Variants in FHIT observed in about 807,000 individuals in gnomAD.
FHIT encodes fragile histidine triad diadenosine triphosphatase.
Under a neutral mutation model 17.9 loss-of-function variants are expected in FHIT, and 19 were observed. The observed-to-expected ratio is 1.06, with a 90% CI of 0.74 to 1.56. The LOEUF (loss-of-function observed/expected upper bound fraction) is 1.56, where lower values mean the gene tolerates loss of function less well. Among genes scored for constraint, FHIT ranks in the 40% most tolerant of loss-of-function variants. FHIT has a pLI of 0.00. For missense variants in FHIT, 248 were observed against 189.2 expected, an observed-to-expected ratio of 1.31 and a Z score of -1.82; for synonymous variants, 81 against 69.7, an observed-to-expected ratio of 1.16 and a Z score of -0.81.
chr3:60,302,090 G>C (rs1197840760), intron 5 of FHIT, among the ~76,000 whole-genome samples: 1 of 152,106 alleles, frequency 6.6e-6, no homozygotes, highest in African/African-American at 2.4e-5. Context: ...AGTATCAGGA[G>C]GTTCCAATTA....
At chr3:60,222,105 C>T (rs1703989801) in intron 5 of FHIT, among the ~76,000 whole-genome samples, 2 of 152,226 alleles carry the variant, frequency 1.3e-5, no homozygotes, top group Admixed American at 6.5e-5. Context: ...TTAAGCATTT[C>T]CATCCAGGAG....
intron 4 of FHIT, among the ~76,000 whole-genome samples, chr3:60,724,229 G>A (rs1190788514): frequency 2.0e-5 from 3 of 152,210 alleles, no homozygotes; most frequent in African/African-American, 4.8e-5. Context: ...TTGGTCATAT[G>A]ATATGTGGTC....
At position 60,860,060 on chromosome 3, in the gene FHIT, C is replaced by CATATATATGATATATCTGATATATGAT. The variant is rs1553750957; in HGVS notation, c.-110-38076_-110-38050dup. On this transcript the variant is annotated intron_variant, in intron 3 of 9. Transcript: ENST00000492590. ...TACATCTCAAAAAAACAAAAAGATA[C>CATATATATGATATATCTGATATATGAT]ATATATATGATATATCTGATATATG... 1.6e-4 allele frequency among the ~76,000 whole-genome samples: 11 copies of CATATATATGATATATCTGATATATGAT among 68,734 alleles called. 1 individual carries two copies. The highest frequency in any genetic ancestry group is 8.5e-4 in the African/African-American group (11 of 12,970). The allele number at this position is 68,734 out of a possible 152,430, so 45.1% of individuals were successfully genotyped here. A position where few individuals can be genotyped will look rare whatever the true frequency, so the allele number is the denominator to read the frequency against.
At chr3:60,868,667 T>C (rs1704268730) in intron 3 of FHIT, among the ~76,000 whole-genome samples, 1 of 152,188 alleles carries the variant, frequency 6.6e-6, no homozygotes, top group African/African-American at 2.4e-5. Context: ...TGGTCTTCAA[T>C]AAGGATATGG....
chr3:60,942,206 TA>T (rs1310714892), intron 3 of FHIT, among the ~76,000 whole-genome samples: 1 of 152,176 alleles, frequency 6.6e-6, no homozygotes, highest in African/African-American at 2.4e-5. Flanking sequence ...CTGAAGTAGT[TA>T]TTTTTTTTAC....
At chr3:60,590,889 G>T (rs1386692642) in intron 4 of FHIT, among the ~76,000 whole-genome samples, 2 of 152,156 alleles carry the variant, frequency 1.3e-5, no homozygotes, top group East Asian at 3.9e-4. Flanking sequence ...AAGCCTTGAG[G>T]GAATCAGGGA....
Position 61,201,043 on chromosome 3 carries a change from T to C in FHIT, c.-212-378A>G, listed in dbSNP as rs1230689063. Among the ~76,000 whole-genome samples the C allele has an allele frequency of 2.6e-5, 4 of 152,260 alleles. 1 individual carries two copies. The highest frequency in any genetic ancestry group is 6.5e-5 in the Admixed American group (1 of 15,288). On this transcript the variant is annotated intron_variant, in intron 1 of 9. Transcript: ENST00000492590. ...TCTTATTTCTTTTTGTCATCTTTCT[T>C]GCATGCTCTATTTCCATTTCTCTGA...
chr3:60,956,985 C>T (rs1158205826), intron 3 of FHIT, among the ~76,000 whole-genome samples: 1 of 152,074 alleles, frequency 6.6e-6, no homozygotes, highest in Non-Finnish European at 1.5e-5. Context: ...CACAGAAGGG[C>T]TCATGGTCAG....
intron 4 of FHIT, among the ~76,000 whole-genome samples, chr3:60,754,512 T>C (rs1436045351): frequency 1.3e-5 from 2 of 152,142 alleles, no homozygotes; most frequent in Admixed American, 6.5e-5. Context: ...ATGCCTGTAA[T>C]CCCAGCTATT....
At chr3:60,379,517 T>C (rs1427240284) in intron 5 of FHIT, among the ~76,000 whole-genome samples, 4 of 152,200 alleles carry the variant, frequency 2.6e-5, no homozygotes, top group Non-Finnish European at 5.9e-5. Context: ...AAGTTAGAGA[T>C]AGTTTTCTTT....
At chr3:61,245,859 C>G (rs1283599772) in intron 1 of FHIT, among the ~76,000 whole-genome samples, 2 of 152,166 alleles carry the variant, frequency 1.3e-5, no homozygotes, top group Non-Finnish European at 2.9e-5. Context: ...GCAACTCCAT[C>G]TTCAATAGGG....
intron 1 of FHIT, among the ~76,000 whole-genome samples, chr3:61,210,393 G>A (rs755151572): frequency 2.6e-5 from 4 of 152,278 alleles, no homozygotes. Context: ...GTCTGTGCCC[G>A]GCCCCCAGAG....
intron 5 of FHIT, among the ~76,000 whole-genome samples, chr3:60,245,489 C>T (rs532633649): frequency 1.3e-5 from 2 of 152,098 alleles, no homozygotes; most frequent in East Asian, 1.9e-4. Context: ...CCAATAAGCT[C>T]ATAAAGTTAA....
At chr3:60,595,702 C>T (rs1475444781) in intron 4 of FHIT, among the ~76,000 whole-genome samples, 5 of 151,764 alleles carry the variant, frequency 3.3e-5, no homozygotes, top group African/African-American at 7.3e-5. Context: ...CCAGTGCCGT[C>T]GTGCAGTTAT....
chr3:60,362,203 TGACAA>T (rs1336591057), intron 5 of FHIT, among the ~76,000 whole-genome samples: 4 of 152,198 alleles, frequency 2.6e-5, no homozygotes, highest in African/African-American at 9.7e-5. Flanking sequence ...TTCTTGTGTA[TGACAA>T]GAGCAGCTAA....
intron 3 of FHIT, among the ~76,000 whole-genome samples, chr3:60,880,971 T>C (rs1704948058): frequency 6.6e-6 from 1 of 152,118 alleles, no homozygotes; most frequent in Non-Finnish European, 1.5e-5. Flanking sequence ...AATTCCCCAC[T>C]TAAAGACATA....
At chr3:60,263,585 T>TCTTTA (rs1706409305) in intron 5 of FHIT, among the ~76,000 whole-genome samples, 1 of 151,920 alleles carries the variant, frequency 6.6e-6, no homozygotes, top group African/African-American at 2.4e-5. Flanking sequence ...TGCTACATGA[T>TCTTTA]TCCATTTATA....
intron 5 of FHIT, among the ~76,000 whole-genome samples, chr3:60,255,003 AAC>A (rs1705917095): frequency 1.3e-5 from 2 of 152,210 alleles, no homozygotes; most frequent in African/African-American, 4.8e-5. Context: ...AGAAGAATGA[AAC>A]AGATTTTTTT....
At chr3:60,173,171 C>T (rs962151132) in intron 5 of FHIT, among the ~76,000 whole-genome samples, 1 of 152,082 alleles carries the variant, frequency 6.6e-6, no homozygotes, top group East Asian at 1.9e-4. Flanking sequence ...ACAGACTGTC[C>T]CATCCAAAGC....
Sources: gnomAD v4.1 joint callset for allele counts (sites outside exome capture counted in the v4.1 genomes callset) on GRCh38, gnomAD v4.1.1 for gene constraint, MANE v1.5 for transcripts, NCBI Gene and HGNC (gene_info 2026-07-23, HGNC 2026-07-21) for gene names.